The following MACC1 variants were observed in gnomAD, a reference collection of about 807,000 sequenced individuals.
The protein encoded by MACC1 is metastasis-associated in colon cancer protein 1.
A neutral mutation model predicts 70.7 loss-of-function variants in MACC1; 79 were observed. The observed-to-expected ratio is 1.12, with a 90% CI of 0.93 to 1.35. The LOEUF (loss-of-function observed/expected upper bound fraction) is 1.35. Ranked by LOEUF, MACC1 falls within the 40% of genes most tolerant of loss-of-function variation. The pLI, the probability that MACC1 is intolerant of heterozygous loss-of-function variation, is 0.00. For missense variants in MACC1, 1,106 were observed against 978.1 expected, an observed-to-expected ratio of 1.13 and a Z score of -1.74; for synonymous variants, 361 against 347.2, an observed-to-expected ratio of 1.04 and a Z score of -0.44.
chr7:20,181,488 A>G (rs1421894152), intron 1 of MACC1, among the ~76,000 whole-genome samples: 1 of 152,134 alleles, frequency 6.6e-6, no homozygotes, highest in Non-Finnish European at 1.5e-5. Context: ...TAAGCATTTG[A>G]TAATATATTC....
intron 1 of MACC1, among the ~76,000 whole-genome samples, chr7:20,194,106 A>G (rs1039119903): frequency 6.6e-6 from 1 of 152,044 alleles, no homozygotes; most frequent in Non-Finnish European, 1.5e-5. Context: ...CCACAGAACT[A>G]CCCACATCCT....
intron 1 of MACC1, among the ~76,000 whole-genome samples, chr7:20,206,374 G>A (rs1023343107): frequency 6.6e-6 from 1 of 152,032 alleles, no homozygotes; most frequent in South Asian, 2.1e-4. Context: ...ATTTTATTTG[G>A]CATTGCTGTG....
chr7:20,201,098 A>AAAGGG (rs1782827255), intron 1 of MACC1, among the ~76,000 whole-genome samples: 1 of 152,176 alleles, frequency 6.6e-6, no homozygotes, highest in East Asian at 1.9e-4. Context: ...AATCAAATTT[A>AAAGGG]AGTGAATCTC....
intron 6 of MACC1, among the ~76,000 whole-genome samples, chr7:20,143,272 T>A (rs970906957): frequency 1.3e-5 from 2 of 152,184 alleles, no homozygotes; most frequent in African/African-American, 4.8e-5. Context: ...CCACAGGTGA[T>A]GCAAAAAATA....
rs529140759 is a variant in MACC1, at chr7:20,164,904, TA to T, written c.-152-506del. ...AAACTACCTAAACTCTTTTTTTTTT[TA>T]TGAGGAAAGAGCAAAATGAGCAATA... On this transcript the variant is annotated intron_variant, in intron 2 of 6. Coordinates refer to ENST00000400331, the MANE Select transcript of MACC1 (RefSeq NM_182762.4). Among the ~76,000 whole-genome samples the T allele has an allele frequency of 7.9e-3, 1,198 of 151,728 alleles. 9 individuals carry two copies. The highest frequency in any genetic ancestry group is 9.7e-3 in the Non-Finnish European group (661 of 67,928).
At chr7:20,161,938 A>C in intron 3 of MACC1, 68 bp from the exon 4 acceptor site, 3 of 918,908 alleles carry the variant, frequency 3.3e-6, no homozygotes, top group Non-Finnish European at 5.4e-6. Context: ...AAATAAACTC[A>C]AAGACATCAT....
chr7:20,204,117 A>T (rs191710025), intron 1 of MACC1, among the ~76,000 whole-genome samples: 6 of 152,236 alleles, frequency 3.9e-5, no homozygotes, highest in Admixed American at 1.3e-4. Flanking sequence ...TACATATTGA[A>T]GCCTGAATTT....
At chr7:20,215,008 G>C (rs1783048244) in intron 1 of MACC1, among the ~76,000 whole-genome samples, 1 of 152,088 alleles carries the variant, frequency 6.6e-6, no homozygotes, top group Non-Finnish European at 1.5e-5. Flanking sequence ...CTGGCAGCCT[G>C]GGTACGCGTC....
rs1485973616 is a variant in MACC1 at position 20,139,205 on chromosome 7, C to G, written c.*1741G>C. On this transcript the variant is annotated 3_prime_UTR_variant, in exon 7 of 7. Transcript: ENST00000400331. ...ATGGCCCTAATGTGGCTTCTTCTTG[C>G]TCCATCCTCATCTCAACCTTGAATC... is the stretch of plus-strand genomic sequence containing the variant. The G allele has an allele frequency of 1.3e-5, 2 of 152,132 alleles. No homozygotes were observed. Among genetic ancestry groups the G allele is most frequent in the African/African-American group, 2.4e-5 (1 of 41,420 alleles). 9.4% of individuals were successfully genotyped at this position (152,132 alleles called of 1,614,324 possible).
At chr7:20,192,510 A>T (rs1003249110) in intron 1 of MACC1, among the ~76,000 whole-genome samples, 5 of 152,162 alleles carry the variant, frequency 3.3e-5, no homozygotes, top group African/African-American at 4.8e-5. Flanking sequence ...TCCCCTCCCA[A>T]GTGCCAGAAA....
At chr7:20,186,094 G>C (rs1782584308) in intron 1 of MACC1, among the ~76,000 whole-genome samples, 1 of 152,200 alleles carries the variant, frequency 6.6e-6, no homozygotes, top group African/African-American at 2.4e-5. Flanking sequence ...AATGGACAGA[G>C]CTACTATTAC....
chr7:20,164,005 C>G (rs1236682178), intron 3 of MACC1, among the ~76,000 whole-genome samples: 2 of 152,158 alleles, frequency 1.3e-5, no homozygotes. Context: ...GGTGTGATCT[C>G]AGCTCACTGT....
At chr7:20,210,803 T>C (rs1365102939) in intron 1 of MACC1, among the ~76,000 whole-genome samples, 2 of 152,200 alleles carry the variant, frequency 1.3e-5, no homozygotes, top group Non-Finnish European at 2.9e-5. Context: ...AATGATTAAA[T>C]ACATTAATTA....
In MACC1 at chr7:20,164,290, C is replaced by T. The variant is rs747015507; in HGVS notation, c.-43G>A. 7 of 152,156 alleles carry T rather than the reference C, an allele frequency of 4.6e-5. No homozygotes were observed. Among genetic ancestry groups the T allele is most frequent in the African/African-American group, 1.4e-4 (6 of 41,430 alleles). The allele number at this position is 152,156 out of a possible 1,614,324, so 9.4% of individuals were successfully genotyped here. ...TCCTTTGTGTGTGTTGACCACATCT[C>T]GTTCACCTGTGACCCCTCCTTCTTT... is the stretch of plus-strand genomic sequence containing the variant. On this transcript the variant is annotated 5_prime_UTR_variant, in exon 3 of 7. Coordinates refer to ENST00000400331, the MANE Select transcript of MACC1 (RefSeq NM_182762.4).
intron 1 of MACC1, among the ~76,000 whole-genome samples, chr7:20,182,817 G>GA (rs1231931419): frequency 1.3e-5 from 2 of 151,242 alleles, no homozygotes; most frequent in East Asian, 1.9e-4. Flanking sequence ...ACAATGTAAT[G>GA]AAAAAAAATC....
chr7:20,148,166 A>C (rs1781922062), intron 6 of MACC1, among the ~76,000 whole-genome samples: 1 of 142,844 alleles, frequency 7.0e-6, no homozygotes, highest in Non-Finnish European at 1.6e-5. Flanking sequence ...CCTTCTGGCA[A>C]ATGAGAAAAA....
At position 20,138,923 on chromosome 7, in the gene MACC1, C is replaced by A. The variant is rs1380734429; in HGVS notation, c.*2023G>T. 6.6e-6 allele frequency: 1 copy of A among 152,236 alleles called. No individual in the cohort carries two copies. Among genetic ancestry groups the A allele is most frequent in the African/African-American group, 2.4e-5 (1 of 41,438 alleles). 9.4% of individuals were successfully genotyped at this position (152,236 alleles called of 1,614,324 possible). On this transcript the variant is annotated 3_prime_UTR_variant, in exon 7 of 7. Coordinates refer to ENST00000400331, the MANE Select transcript of MACC1 (RefSeq NM_182762.4). ...TCCTGACCTAGTGATCTGCCCGCCT[C>A]GGCCTCCCAAAGTGCTGGGATTTCA... is the stretch of plus-strand genomic sequence containing the variant.
intron 1 of MACC1, among the ~76,000 whole-genome samples, chr7:20,214,872 C>T (rs1055933807): frequency 2.0e-5 from 3 of 152,120 alleles, no homozygotes; most frequent in African/African-American, 7.2e-5. Context: ...CACTGCTGTA[C>T]GTGAGATACT....
rs545820661 is a variant in MACC1 at position 20,134,692 on chromosome 7, A to G, written c.*6254T>C. On this transcript the variant is annotated 3_prime_UTR_variant, in exon 7 of 7. Transcript: ENST00000400331. Reference sequence around the variant, plus strand: ...ATGACTCACTCTATTTTCATGAACAAGTTAAATGCCCCAGTAAATTCCATG... The same window carrying G: ...ATGACTCACTCTATTTTCATGAACAGGTTAAATGCCCCAGTAAATTCCATG... 6.6e-6 allele frequency: 1 copy of G among 152,328 alleles called. No individual in the cohort carries two copies. The highest frequency in any genetic ancestry group is 2.1e-4 in the South Asian group (1 of 4,826). The allele number at this position is 152,328 out of a possible 1,614,324, so 9.4% of individuals were successfully genotyped here. A position where few individuals can be genotyped will look rare whatever the true frequency, so the allele number is the denominator to read the frequency against.
Sources: allele counts gnomAD v4.1 joint callset (sites outside exome capture counted in the v4.1 genomes callset), GRCh38; gene constraint gnomAD v4.1.1; transcripts MANE v1.5; gene names NCBI Gene and HGNC (gene_info 2026-07-23, HGNC 2026-07-21).